The following PRKG2 variants were observed in gnomAD, a reference collection of about 807,000 sequenced individuals.
PRKG2 encodes the protein cGMP-dependent protein kinase 2.
In PRKG2, 33 loss-of-function variants were observed where a neutral mutation model predicts 97.2. The ratio of observed to expected loss-of-function variants is 0.34; its 90% CI spans 0.26 to 0.45. The LOEUF is 0.45. Among genes scored for constraint, PRKG2 ranks in the 20% least tolerant of loss-of-function variants. The probability of loss-of-function intolerance (pLI) is 1.00; values close to 1 mark genes in which losing one functional copy is unlikely to be tolerated. For synonymous variants in PRKG2, 330 were observed against 321.8 expected (o/e 1.03, Z -0.27); for missense variants, 638 against 900.0 (o/e 0.71, Z 3.73).
At chr4:81,117,768 C>CT (rs934822860) in intron 14 of PRKG2, among the ~76,000 whole-genome samples, 1 of 151,796 alleles carries the variant, frequency 6.6e-6, no homozygotes, top group Non-Finnish European at 1.5e-5. Flanking sequence ...ATATAAATAG[C>CT]TTTCCCCATT....
Position 81,153,769 on chromosome 4 carries a change from A to G in PRKG2, c.913-48T>C, listed in dbSNP as rs201439545. On this transcript the variant is annotated intron_variant, in intron 6 of 18. Transcript: ENST00000264399. The stretch of plus-strand genomic sequence containing the variant: ...AAATGTAAGAGCGGGTGGAGCCAAG[A>G]TGGCCTAATAGGAACAGCTCCAGTA... The G allele has an allele frequency of 1.5e-5, 21 of 1,387,530 alleles. No homozygotes were observed. In the Admixed American group the frequency reaches 2.4e-4, roughly 16 times the overall value. 86.0% of individuals were successfully genotyped at this position (1,387,530 alleles called of 1,614,324 possible).
At chr4:81,125,496 A>G (rs1426356363) in intron 14 of PRKG2, among the ~76,000 whole-genome samples, 1 of 152,180 alleles carries the variant, frequency 6.6e-6, no homozygotes, top group East Asian at 1.9e-4. Flanking sequence ...GTAGACTACT[A>G]TATGTTTATA....
At chr4:81,135,331 G>A in intron 13 of PRKG2, 35 bp from the exon 14 acceptor site, 1 of 1,600,096 alleles carries the variant, frequency 6.2e-7, no homozygotes, top group South Asian at 1.1e-5. Flanking sequence ...TAATACTTTG[G>A]ATACACATCT....
intron 8 of PRKG2, among the ~76,000 whole-genome samples, chr4:81,149,186 C>T (rs1748146767): frequency 6.6e-6 from 1 of 152,050 alleles, no homozygotes; most frequent in Non-Finnish European, 1.5e-5. Context: ...GCACTGGGAA[C>T]AGAGAAGAAT....
chr4:81,142,876 G>A lies in PRKG2; in HGVS notation c.1325C>T (p.Ala442Val). The A allele has an allele frequency of 6.2e-7, 1 of 1,613,160 alleles. No homozygotes were observed. The highest frequency in any genetic ancestry group is 8.5e-7 in the Non-Finnish European group (1 of 1,179,408). The change falls in exon 11 of 19, where the codon GCC becomes GTC. Residue 442 changes from alanine to valine, a missense_variant. By Grantham distance (64) the Ala-to-Val change is moderately conservative. Around this residue, in one of 3 missense-constraint regions of PRKG2, gnomAD observed 304 missense variants for 460.5 expected, o/e 0.66. Transcript: ENST00000264399. ...LEMIQLKEKV[A>V]RFSSSSPFQN... is the part of the protein sequence containing the mutation. ...GAATGGGGATGATGAGGAAAATCTG[G>A]CCACCTTCTCCTTCAGCTGAATCAT...
At chr4:81,132,980 C>T (rs1746323059) in intron 14 of PRKG2, among the ~76,000 whole-genome samples, 1 of 151,980 alleles carries the variant, frequency 6.6e-6, no homozygotes, top group African/African-American at 2.4e-5. Flanking sequence ...TTTCCTCATA[C>T]ATTCATGTTT....
intron 8 of PRKG2, among the ~76,000 whole-genome samples, chr4:81,150,441 C>A (rs561912314): frequency 2.0e-5 from 3 of 152,108 alleles, no homozygotes; most frequent in African/African-American, 7.2e-5. Context: ...TACTGAATCA[C>A]GGTCAGTGGC....
chr4:81,181,365 C>A (rs1751392956), intron 2 of PRKG2, among the ~76,000 whole-genome samples: 1 of 151,386 alleles, frequency 6.6e-6, no homozygotes, highest in Non-Finnish European at 1.5e-5. Flanking sequence ...TGACATAAAA[C>A]TTGTAAGATG....
chr4:81,128,709 T>C (rs1211409936), intron 14 of PRKG2, among the ~76,000 whole-genome samples: 1 of 152,196 alleles, frequency 6.6e-6, no homozygotes, highest in Non-Finnish European at 1.5e-5. Context: ...TCTATTGGAT[T>C]CTTCTCTCTT....
intron 17 of PRKG2, among the ~76,000 whole-genome samples, chr4:81,093,585 T>C (rs1450655154): frequency 6.6e-6 from 1 of 152,160 alleles, no homozygotes; most frequent in South Asian, 2.1e-4. Context: ...GAGTAGTGCT[T>C]GATATGGGAC....
At chr4:81,106,927 G>A (rs757450647) in intron 15 of PRKG2, among the ~76,000 whole-genome samples, 82 of 152,208 alleles carry the variant, frequency 5.4e-4, no homozygotes, top group Non-Finnish European at 1.0e-3. Flanking sequence ...CTGGTAACCT[G>A]ATCTGGGACT....
intron 14 of PRKG2, among the ~76,000 whole-genome samples, chr4:81,118,910 T>C (rs1356012296): frequency 6.6e-6 from 1 of 152,142 alleles, no homozygotes; most frequent in Non-Finnish European, 1.5e-5. Context: ...TCCTCCCACC[T>C]CAGGCTCCCA....
intron 11 of PRKG2, among the ~76,000 whole-genome samples, chr4:81,141,763 G>C (rs76036921): frequency 1.3e-5 from 2 of 152,006 alleles, no homozygotes; most frequent in East Asian, 3.8e-4. Flanking sequence ...GAATCCTTTT[G>C]CCACAAACTT....
At chr4:81,127,181 G>A (rs757010279) in intron 14 of PRKG2, among the ~76,000 whole-genome samples, 47 of 152,156 alleles carry the variant, frequency 3.1e-4, no homozygotes, top group Non-Finnish European at 5.9e-4. Context: ...GGTTGTAGAC[G>A]TGTGGCATTA....
At chr4:81,130,543 C>A (rs940525771) in intron 14 of PRKG2, among the ~76,000 whole-genome samples, 1 of 152,174 alleles carries the variant, frequency 6.6e-6, no homozygotes, top group Non-Finnish European at 1.5e-5. Context: ...CTCCTCTCTT[C>A]AGAGCTGGCA....
chr4:81,120,094 A>T (rs1021090931), intron 14 of PRKG2, among the ~76,000 whole-genome samples: 2 of 152,144 alleles, frequency 1.3e-5, no homozygotes, highest in South Asian at 2.1e-4. Flanking sequence ...CAAGATTGAA[A>T]ACCTAACTTA....
intron 2 of PRKG2, among the ~76,000 whole-genome samples, chr4:81,200,594 G>A (rs188799069): frequency 2.6e-5 from 4 of 152,236 alleles, no homozygotes; most frequent in Admixed American, 2.0e-4. Context: ...GACTTAAGAC[G>A]AAAAGAACTG....
At chr4:81,183,170 T>C (rs1751568579) in intron 2 of PRKG2, among the ~76,000 whole-genome samples, 1 of 152,046 alleles carries the variant, frequency 6.6e-6, no homozygotes, top group Non-Finnish European at 1.5e-5. Flanking sequence ...GGCACAACAA[T>C]GGATAAAAAG....
intron 6 of PRKG2, among the ~76,000 whole-genome samples, chr4:81,163,484 C>T (rs1252935518): frequency 1.3e-5 from 2 of 152,134 alleles, no homozygotes; most frequent in African/African-American, 2.4e-5. Context: ...CACACAAGAG[C>T]AGGTACACAT....
Sources: gnomAD v4.1 joint callset for allele counts (sites outside exome capture counted in the v4.1 genomes callset) on GRCh38, gnomAD v4.1.1 for gene constraint, gnomAD v4.1.1 regional missense constraint, MANE v1.5 for transcripts, NCBI Gene and HGNC (gene_info 2026-07-23, HGNC 2026-07-21) for gene names.